MYRIP: variants seen among roughly 807,000 people sequenced by gnomAD.
MYRIP encodes rab effector MyRIP.
MYRIP carries 49 observed loss-of-function variants against 98.0 expected under a neutral mutation model. The observed-to-expected ratio is 0.50, with a 90% CI of 0.40 to 0.63. The LOEUF (loss-of-function observed/expected upper bound fraction) is 0.63. MYRIP is among the 30% of genes least tolerant of loss of function. The pLI, the probability that MYRIP is intolerant of heterozygous loss-of-function variation, is 0.00. For missense variants in MYRIP, 1,004 were observed against 1,058.2 expected (o/e 0.95, Z 0.71); for synonymous variants, 404 against 409.5 (o/e 0.99, Z 0.16).
intron 2 of MYRIP, among the ~76,000 whole-genome samples, chr3:39,992,090 G>A (rs1433966267): frequency 2.6e-5 from 4 of 152,176 alleles, no homozygotes; most frequent in African/African-American, 4.8e-5. Flanking sequence ...GACCACTGCT[G>A]CCTTAACATT....
intron 11 of MYRIP, among the ~76,000 whole-genome samples, chr3:40,228,515 G>A (rs1042591102): frequency 6.6e-6 from 1 of 151,952 alleles, no homozygotes; most frequent in Non-Finnish European, 1.5e-5. Flanking sequence ...CAGTCCCCTC[G>A]CCACTGCCCC....
At chr3:40,237,643 C>G (rs909022405) in intron 12 of MYRIP, among the ~76,000 whole-genome samples, 1 of 152,126 alleles carries the variant, frequency 6.6e-6, no homozygotes, top group African/African-American at 2.4e-5. Context: ...GAATGAAGCC[C>G]CTTTTAAAAA....
At chr3:40,184,881 TC>T (rs1950985397) in intron 9 of MYRIP, among the ~76,000 whole-genome samples, 1 of 152,210 alleles carries the variant, frequency 6.6e-6, no homozygotes, top group Non-Finnish European at 1.5e-5. Context: ...TGCTCAAAAC[TC>T]TATGCATCTC....
At chr3:40,157,247 G>C (rs1319804517) in intron 4 of MYRIP, among the ~76,000 whole-genome samples, 1 of 147,764 alleles carries the variant, frequency 6.8e-6, no homozygotes, top group Non-Finnish European at 1.5e-5. Flanking sequence ...CATCTATTGA[G>C]ATAATCATGT....
chr3:40,199,114 G>A (rs1034974055), intron 10 of MYRIP, among the ~76,000 whole-genome samples: 4 of 152,148 alleles, frequency 2.6e-5, no homozygotes, highest in Non-Finnish European at 4.4e-5. Flanking sequence ...TGAAGTCATG[G>A]AAGCTCTAGT....
intron 16 of MYRIP, among the ~76,000 whole-genome samples, chr3:40,257,724 CAAATT>C (rs1439431914): frequency 6.6e-6 from 1 of 151,988 alleles, no homozygotes; most frequent in African/African-American, 2.4e-5. Flanking sequence ...GATTTTAAGA[CAAATT>C]AAAAGCTGAA....
At position 40,190,295 on chromosome 3, in the gene MYRIP, C is replaced by T. The variant is rs747794621; in HGVS notation, c.1497C>T (p.Asn499=). Residue 499 remains asparagine (N), a synonymous_variant, in exon 10 of 17, where the codon AAC becomes AAT. Coordinates refer to ENST00000302541, the MANE Select transcript of MYRIP (RefSeq NM_015460.4). ...RLHGELDVNF[N]PQLASRETSD... ...ATGGAGAGCTGGACGTGAACTTCAA[C>T]CCCCAGTTGGCCAGCAGGGAGACCT... The T allele has an allele frequency of 2.2e-5, 35 of 1,613,872 alleles. No homozygotes were observed. In the East Asian group the frequency reaches 4.7e-4, roughly 22 times the overall value.
intron 15 of MYRIP, among the ~76,000 whole-genome samples, chr3:40,251,027 C>A (rs938197623): frequency 1.2e-4 from 19 of 152,336 alleles, no homozygotes; most frequent in African/African-American, 4.3e-4. Context: ...TGGTGACTGT[C>A]AAAGAGAAGT....
intron 9 of MYRIP, among the ~76,000 whole-genome samples, chr3:40,187,356 C>A (rs79798195): frequency 6.6e-6 from 1 of 152,194 alleles, no homozygotes; most frequent in Non-Finnish European, 1.5e-5. Flanking sequence ...ATCAGCCCTG[C>A]ATCTGCTTTA....
At position 40,154,106 on chromosome 3, in the gene MYRIP, C is replaced by T. The variant is rs149909413; in HGVS notation, c.469+2922C>T. ...AGTGAGCCGAGATTGCACCACTGCA[C>T]TCCAGCCTGGCAATAGAGTGAGATT... On this transcript the variant is annotated intron_variant, in intron 4 of 16. Transcript: ENST00000302541. 5.3e-5 allele frequency among the ~76,000 whole-genome samples: 8 copies of T among 151,276 alleles called. No individual in the cohort carries two copies. The East Asian group carries it at 1.6e-3, about 29-fold the overall frequency.
chr3:40,192,128 T>C (rs1184263782), intron 10 of MYRIP, among the ~76,000 whole-genome samples: 2 of 150,050 alleles, frequency 1.3e-5, no homozygotes, highest in East Asian at 2.0e-4. Context: ...TAATTATTAT[T>C]ATCATTATTT....
intron 13 of MYRIP, among the ~76,000 whole-genome samples, 164 bp from the exon 14 acceptor site, chr3:40,250,058 G>T (rs558632083): frequency 2.6e-4 from 40 of 152,054 alleles, no homozygotes; most frequent in African/African-American, 9.2e-4. Flanking sequence ...TTATTTTCTT[G>T]CTACACACTA....
intron 13 of MYRIP, among the ~76,000 whole-genome samples, chr3:40,245,343 T>A (rs1245848745): frequency 6.6e-6 from 1 of 152,090 alleles, no homozygotes; most frequent in Admixed American, 6.5e-5. Flanking sequence ...CATGACAATT[T>A]TTTTCTTTAA....
In MYRIP at chr3:40,021,334, C is replaced by A. The variant is rs1352466708; in HGVS notation, c.111-22716C>A. On this transcript the variant is annotated intron_variant, in intron 2 of 16. Transcript: ENST00000302541. ...CAGCTAGAGGGCATCACCAGTGAGA[C>A]TTGGCATCTCTCCACAAACTGACAT... Among the ~76,000 whole-genome samples, 4 of 152,304 alleles carry A rather than the reference C, an allele frequency of 2.6e-5. No individual in the cohort carries two copies. In the East Asian group the frequency reaches 7.7e-4, roughly 29 times the overall value.
intron 2 of MYRIP, among the ~76,000 whole-genome samples, chr3:40,030,329 A>G (rs993534948): frequency 6.6e-6 from 1 of 152,128 alleles, no homozygotes; most frequent in African/African-American, 2.4e-5. Flanking sequence ...AATTTTTTAA[A>G]ATGCAGACAA....
chr3:39,897,750 A>G (rs1033036463), intron 1 of MYRIP, among the ~76,000 whole-genome samples: 1 of 152,152 alleles, frequency 6.6e-6, no homozygotes, highest in African/African-American at 2.4e-5. Context: ...TTACCAATTT[A>G]AAGAAAGTTT....
intron 8 of MYRIP, 80 bp from the exon 9 acceptor site, chr3:40,182,140 T>C (rs1950896574): frequency 7.1e-7 from 1 of 1,410,004 alleles, no homozygotes. Context: ...CTGGACAATG[T>C]CTGCCCCCAA....
At chr3:40,034,186 C>T (rs1947325639) in intron 2 of MYRIP, among the ~76,000 whole-genome samples, 2 of 151,516 alleles carry the variant, frequency 1.3e-5, no homozygotes, top group South Asian at 4.2e-4. Flanking sequence ...TCTAAAACAC[C>T]AAAAGCAATG....
chr3:40,200,907 A>C (rs528686764), intron 10 of MYRIP, among the ~76,000 whole-genome samples: 1 of 152,286 alleles, frequency 6.6e-6, no homozygotes, highest in South Asian at 2.1e-4. Context: ...CCTATAACTT[A>C]GTCTATGCCT....
Sources: gnomAD v4.1 joint callset for allele counts (sites outside exome capture counted in the v4.1 genomes callset) on GRCh38, gnomAD v4.1.1 for gene constraint, MANE v1.5 for transcripts, NCBI Gene and HGNC (gene_info 2026-07-23, HGNC 2026-07-21) for gene names.